KPNA5: variants seen among roughly 807,000 people sequenced by gnomAD.
The protein encoded by KPNA5 is importin subunit alpha-6.
In KPNA5, 46 loss-of-function variants were observed where a neutral mutation model predicts 71.3. That is an observed-to-expected ratio of 0.65 (90% CI 0.51 to 0.83). KPNA5 has a LOEUF of 0.83. KPNA5 is among the 40% of genes least tolerant of loss of function. The probability of loss-of-function intolerance (pLI) is 0.00; values close to 1 mark genes in which losing one functional copy is unlikely to be tolerated. For missense variants in KPNA5, 547 were observed against 628.3 expected, an observed-to-expected ratio of 0.87 and a Z score of 1.38; for synonymous variants, 207 against 201.4, an observed-to-expected ratio of 1.03 and a Z score of -0.24.
chr6:116,708,186 A>G (rs1265341904), intron 7 of KPNA5, among the ~76,000 whole-genome samples: 1 of 152,184 alleles, frequency 6.6e-6, no homozygotes, highest in Non-Finnish European at 1.5e-5. Context: ...CCTTTTGACT[A>G]CTGTAAATAG....
At chr6:116,730,603 T>C (rs2114506861) in intron 13 of KPNA5, among the ~76,000 whole-genome samples, 1 of 152,306 alleles carries the variant, frequency 6.6e-6, no homozygotes, top group Admixed American at 6.5e-5. Flanking sequence ...CTTTTTAAGC[T>C]TTTGATGTCT....
chr6:116,691,923 T>A (rs1176423650), intron 2 of KPNA5, 132 bp from the exon 3 acceptor site: 1 of 682,024 alleles, frequency 1.5e-6, no homozygotes, highest in Non-Finnish European at 2.6e-6. Context: ...TGGGAAATAC[T>A]CAAATATTCA....
intron 13 of KPNA5, among the ~76,000 whole-genome samples, chr6:116,731,524 G>C (rs1375921083): frequency 6.6e-6 from 1 of 152,036 alleles, no homozygotes; most frequent in East Asian, 1.9e-4. Flanking sequence ...CTTACGTGTA[G>C]AGCTTTTTCT....
At chr6:116,715,190 C>T (rs1187814246) in intron 7 of KPNA5, among the ~76,000 whole-genome samples, 1 of 151,988 alleles carries the variant, frequency 6.6e-6, no homozygotes, top group African/African-American at 2.4e-5. Context: ...ATTTTTTTAA[C>T]CTAGGTTCTT....
intron 12 of KPNA5, among the ~76,000 whole-genome samples, chr6:116,727,083 T>TA (rs1214720423): frequency 6.6e-6 from 1 of 152,074 alleles, no homozygotes; most frequent in Admixed American, 6.6e-5. Flanking sequence ...CTATACTAGT[T>TA]ACCTTTTTTT....
rs1779619806 is a variant in KPNA5 at position 116,734,969 on chromosome 6, T to A, written c.*2646T>A. ...TTTTCATTTATTTAATTAAATTTGG[T>A]GTTTTATTTTGTCTGAATCTGAATT... On this transcript the variant is annotated 3_prime_UTR_variant, in exon 14 of 14. Coordinates refer to ENST00000368564, the MANE Select transcript of KPNA5 (RefSeq NM_001366306.2). 1.3e-5 allele frequency: 2 copies of A among 151,702 alleles called. No homozygotes were observed. Among genetic ancestry groups the A allele is most frequent in the Admixed American group, 1.3e-4 (2 of 15,170 alleles). The allele number at this position is 151,702 out of a possible 1,614,324, so 9.4% of individuals were successfully genotyped here.
At chr6:116,707,287 T>G (rs1778482743) in intron 7 of KPNA5, among the ~76,000 whole-genome samples, 1 of 152,240 alleles carries the variant, frequency 6.6e-6, no homozygotes, top group South Asian at 2.1e-4. Flanking sequence ...TTTAATTTAT[T>G]TTATTAGTAT....
chr6:116,721,734 A>G (rs1471123724), intron 8 of KPNA5, among the ~76,000 whole-genome samples: 2 of 152,164 alleles, frequency 1.3e-5, no homozygotes, highest in Non-Finnish European at 2.9e-5. Flanking sequence ...ATTTATTTCC[A>G]GTTAAGTACA....
At chr6:116,710,895 T>TATA (rs61559803) in intron 7 of KPNA5, among the ~76,000 whole-genome samples, 713 of 57,828 alleles carry the variant, frequency 0.012, 2 homozygotes, top group Non-Finnish European at 0.015. Context: ...ATATATATAT[T>TATA]TTTTTTTTTT....
At chr6:116,728,015 T>C (rs773648232) in intron 12 of KPNA5, among the ~76,000 whole-genome samples, 4 of 152,112 alleles carry the variant, frequency 2.6e-5, no homozygotes, top group African/African-American at 4.8e-5. Context: ...TGTGAAATTG[T>C]CGTCTTTTAT....
At chr6:116,692,954 C>G (rs1017169036) in intron 4 of KPNA5, among the ~76,000 whole-genome samples, 5 of 152,092 alleles carry the variant, frequency 3.3e-5, no homozygotes, top group African/African-American at 1.2e-4. Context: ...TCTCATTGTT[C>G]AATTCCCACC....
At position 116,741,351 on chromosome 6, in the gene KPNA5, T is replaced by TA; in HGVS notation, c.*9029dup. ...TATTTTGTGCATAGAAATTTAGAAT[T>TA]ACATCTTTTTTTTTAAGGTTCAGAT... On this transcript the variant is annotated 3_prime_UTR_variant, in exon 14 of 14. Transcript: ENST00000368564. 1 of 133,416 alleles carries TA rather than the reference T, an allele frequency of 7.5e-6. No individual in the cohort carries two copies. The highest frequency in any genetic ancestry group is 2.0e-4 in the East Asian group (1 of 5,076). The allele number at this position is 133,416 out of a possible 1,614,324, so 8.3% of individuals were successfully genotyped here.
Position 116,716,325 on chromosome 6 carries a change from G to C in KPNA5, c.756+7G>C. On this transcript the variant is annotated splice_region_variant and intron_variant, in intron 8 of 13. Transcript: ENST00000368564. Reference sequence around the variant, plus strand: ...TCCTCCAAACTTTAGTAAGGTATGAGTAAAATACACAAATTAAAATATTTG... The same window carrying C: ...TCCTCCAAACTTTAGTAAGGTATGACTAAAATACACAAATTAAAATATTTG... The C allele has an allele frequency of 6.5e-7, 1 of 1,544,780 alleles. No individual in the cohort carries two copies. Among genetic ancestry groups the C allele is most frequent in the Non-Finnish European group, 8.9e-7 (1 of 1,120,428 alleles).
In KPNA5 at chr6:116,711,538, ATGTG is replaced by A. The variant is rs143357784; in HGVS notation, c.657-4657_657-4654del. Among the ~76,000 whole-genome samples the A allele has an allele frequency of 1.7e-3, 247 of 143,536 alleles. 1 individual carries two copies. The highest frequency in any genetic ancestry group is 5.8e-4 in the Non-Finnish European group (38 of 65,720). 94.2% of individuals were successfully genotyped at this position (143,536 alleles called of 152,430 possible). On this transcript the variant is annotated intron_variant, in intron 7 of 13. Transcript: ENST00000368564. ...ATTTATCTCAAAGTATTTTCTGCAT[ATGTG>A]TGTGTGTGTGTGTGTGTGTGTGTTT...
intron 7 of KPNA5, among the ~76,000 whole-genome samples, chr6:116,711,772 C>T (rs570350088): frequency 5.6e-4 from 85 of 152,206 alleles, no homozygotes; most frequent in African/African-American, 2.0e-3. Flanking sequence ...CCGGCATGTG[C>T]CACCAAGCCC....
At chr6:116,711,550 G>A (rs2114450100) in intron 7 of KPNA5, among the ~76,000 whole-genome samples, 1 of 151,060 alleles carries the variant, frequency 6.6e-6, no homozygotes, top group African/African-American at 2.4e-5. Flanking sequence ...GTGTGTGTGT[G>A]TGTGTGTGTG....
chr6:116,716,133 A>G lies in KPNA5; in HGVS notation c.657-86A>G. ...TGCTAGTTTGAATATCTTATAAAAT[A>G]TATTGGAGAGAAATTTTGTATTATG... On this transcript the variant is annotated intron_variant, in intron 7 of 13. Coordinates refer to ENST00000368564, the MANE Select transcript of KPNA5 (RefSeq NM_001366306.2). 3.2e-6 allele frequency: 3 copies of G among 947,298 alleles called. No individual in the cohort carries two copies. The East Asian group carries it at 7.6e-5, about 24-fold the overall frequency. 58.7% of individuals were successfully genotyped at this position (947,298 alleles called of 1,614,324 possible). A position where few individuals can be genotyped will look rare whatever the true frequency, so the allele number is the denominator to read the frequency against.
chr6:116,716,095 T>C (rs1192091919), intron 7 of KPNA5, 124 bp from the exon 8 acceptor site: 1 of 675,946 alleles, frequency 1.5e-6, no homozygotes, highest in African/African-American at 1.8e-5. Flanking sequence ...TTTTAGATTC[T>C]TTTTTCCTAT....
Position 116,729,595 on chromosome 6 carries a change from T to G in KPNA5, c.1286T>G (p.Leu429Arg). ...GTAGCTTTAGGCTGCATTAAACCAC[T>G]TTGTGATCTTTTGACTGTTATGGAC... ...YLVALGCIKPLCDLLTVMDSK... is the reference protein window; with the variant it reads ...YLVALGCIKPRCDLLTVMDSK... The change falls in exon 13 of 14, where the codon CTT (leucine) becomes CGT (arginine). Residue 429 changes from leucine to arginine, a missense_variant. Physicochemically the swap from Leu to Arg is moderately radical, Grantham distance 102 (BLOSUM62 -2). Transcript: ENST00000368564. 1 of 1,596,574 alleles carries G rather than the reference T, an allele frequency of 6.3e-7. No homozygotes were observed. The highest frequency in any genetic ancestry group is 2.3e-5 in the East Asian group (1 of 44,206).
Sources: gnomAD v4.1 joint callset for allele counts (sites outside exome capture counted in the v4.1 genomes callset) on GRCh38, gnomAD v4.1.1 for gene constraint, MANE v1.5 for transcripts, NCBI Gene and HGNC (gene_info 2026-07-23, HGNC 2026-07-21) for gene names.